MGAT4C: variants seen among roughly 807,000 people sequenced by gnomAD.
MGAT4C encodes the protein alpha-1,3-mannosyl-glycoprotein 4-beta-N-acetylglucosaminyltransferase C.
Under a neutral mutation model 40.1 loss-of-function variants are expected in MGAT4C, and 19 were observed. That is an observed-to-expected ratio of 0.47 (90% CI 0.33 to 0.70). The LOEUF is 0.70. MGAT4C is among the 30% of genes least tolerant of loss of function. The pLI, the probability that MGAT4C is intolerant of heterozygous loss-of-function variation, is 0.02. For synonymous variants in MGAT4C, 181 were observed against 187.1 expected (o/e 0.97, Z 0.27); for missense variants, 491 against 563.2 (o/e 0.87, Z 1.30).
chr12:86,290,368 G>A (rs1953477797), intron 4 of MGAT4C, among the ~76,000 whole-genome samples: 2 of 152,130 alleles, frequency 1.3e-5, no homozygotes, highest in Non-Finnish European at 2.9e-5. Flanking sequence ...AAGCTACGCA[G>A]GAGAGCAGCA....
intron 3 of MGAT4C, among the ~76,000 whole-genome samples, chr12:86,405,550 C>A (rs1956447484): frequency 2.0e-5 from 3 of 151,984 alleles, no homozygotes; most frequent in Admixed American, 2.0e-4. Context: ...AAGATTTCAA[C>A]TCTCTCAACT....
chr12:86,782,547 G>A (rs573445159), intron 1 of MGAT4C, among the ~76,000 whole-genome samples: 140 of 152,196 alleles, frequency 9.2e-4, no homozygotes, highest in African/African-American at 3.3e-3. Flanking sequence ...TCTCACGAAT[G>A]TTGTTATTAG....
chr12:86,312,654 T>C (rs1007917018), intron 4 of MGAT4C, among the ~76,000 whole-genome samples: 6 of 152,124 alleles, frequency 3.9e-5, no homozygotes, highest in African/African-American at 7.2e-5. Context: ...TTCATTCTTA[T>C]GAAAACCTAT....
rs60629688 is a variant in MGAT4C at position 86,654,342 on chromosome 12, G to GT, written c.-229+72866dup. 4.4e-5 allele frequency among the ~76,000 whole-genome samples: 6 copies of GT among 136,438 alleles called. No individual in the cohort carries two copies. In the East Asian group the frequency reaches 6.4e-4, roughly 15 times the overall value. 89.5% of individuals were successfully genotyped at this position (136,438 alleles called of 152,430 possible). ...AACTAATAGAAAATAAGTTTGTGGG[G>GT]TTTTTTTTTTTCCTGACAACAATCG... is the stretch of plus-strand genomic sequence containing the variant. On this transcript the variant is annotated intron_variant, in intron 2 of 7. Transcript: ENST00000548651.
At chr12:86,287,664 C>T (rs577271179) in intron 4 of MGAT4C, among the ~76,000 whole-genome samples, 58 of 152,208 alleles carry the variant, frequency 3.8e-4, no homozygotes, top group Non-Finnish European at 7.1e-4. Flanking sequence ...GCTTCATCCA[C>T]GTCCCTGCAA....
intron 2 of MGAT4C, among the ~76,000 whole-genome samples, chr12:86,506,340 T>A (rs1433431761): frequency 2.0e-5 from 3 of 152,112 alleles, no homozygotes; most frequent in African/African-American, 7.2e-5. Context: ...TGTCTGTAAA[T>A]AAATAAACAA....
rs533952407 is a variant in MGAT4C at position 85,975,640 on chromosome 12, T to C, written c.*3649A>G. On this transcript the variant is annotated 3_prime_UTR_variant, in exon 5 of 5. Transcript: ENST00000611864. The stretch of plus-strand genomic sequence containing the variant: ...GAAACACAAAGCTGAGGAGGCATAA[T>C]AAGACGTGGAATGACAGAAGCAAGA... 6.6e-6 allele frequency: 1 copy of C among 150,888 alleles called. No individual in the cohort carries two copies. The highest frequency in any genetic ancestry group is 1.5e-5 in the Non-Finnish European group (1 of 67,086). The allele number at this position is 150,888 out of a possible 1,614,324, so 9.3% of individuals were successfully genotyped here.
At chr12:86,612,394 A>G (rs1962313588) in intron 2 of MGAT4C, among the ~76,000 whole-genome samples, 1 of 152,054 alleles carries the variant, frequency 6.6e-6, no homozygotes, top group Non-Finnish European at 1.5e-5. Flanking sequence ...ATCTTATCAC[A>G]TAGATTTTCA....
chr12:86,155,711 C>A (rs1489015251), intron 1 of MGAT4C, among the ~76,000 whole-genome samples: 1 of 151,822 alleles, frequency 6.6e-6, no homozygotes, highest in Non-Finnish European at 1.5e-5. Context: ...TTTATATATT[C>A]TATATAATTT....
rs2011710853 is a variant in MGAT4C at position 85,973,006 on chromosome 12, G to A, written c.*6283C>T. On this transcript the variant is annotated 3_prime_UTR_variant, in exon 5 of 5. Coordinates refer to ENST00000611864, the MANE Select transcript of MGAT4C (RefSeq NM_001351288.2). ...ATTGGAACATACTATAGACAAAACT[G>A]ACAGATTATTATTCAATGAGAAACC... 6.6e-6 allele frequency: 1 copy of A among 150,786 alleles called. No homozygotes were observed. The highest frequency in any genetic ancestry group is 2.4e-5 in the African/African-American group (1 of 41,300). 9.3% of individuals were successfully genotyped at this position (150,786 alleles called of 1,614,324 possible). A position where few individuals can be genotyped will look rare whatever the true frequency, so the allele number is the denominator to read the frequency against.
chr12:86,570,896 C>A (rs1960336145), intron 2 of MGAT4C, among the ~76,000 whole-genome samples: 1 of 152,144 alleles, frequency 6.6e-6, no homozygotes. Context: ...TCACCGCATC[C>A]TCCAACTCCT....
chr12:86,081,217 T>G (rs1462792627), intron 1 of MGAT4C, among the ~76,000 whole-genome samples: 1 of 152,180 alleles, frequency 6.6e-6, no homozygotes, highest in Non-Finnish European at 1.5e-5. Context: ...TAGTGAATTT[T>G]GCTCCCAAGA....
intron 1 of MGAT4C, among the ~76,000 whole-genome samples, chr12:86,805,215 T>C (rs1181805022): frequency 1.3e-5 from 2 of 152,026 alleles, no homozygotes; most frequent in Non-Finnish European, 2.9e-5. Flanking sequence ...TCTTTTTTTG[T>C]TGTTTTTTAC....
intron 2 of MGAT4C, among the ~76,000 whole-genome samples, chr12:86,718,239 T>G: frequency 6.6e-6 from 1 of 152,334 alleles, no homozygotes; most frequent in Middle Eastern, 3.4e-3. Flanking sequence ...TGTTTTTTTC[T>G]AAACAAACAA....
At chr12:86,226,037 G>T (rs1029984884) in intron 1 of MGAT4C, among the ~76,000 whole-genome samples, 2 of 151,532 alleles carry the variant, frequency 1.3e-5, no homozygotes, top group Non-Finnish European at 1.5e-5. Flanking sequence ...AAAACAAGGC[G>T]CTTGCATGTA....
Position 86,034,949 on chromosome 12 carries a change from T to C in MGAT4C, c.-7+14725A>G, listed in dbSNP as rs146364902. On this transcript the variant is annotated intron_variant, in intron 2 of 4. Coordinates refer to ENST00000611864, the MANE Select transcript of MGAT4C (RefSeq NM_001351288.2). ...GCTGCATAGTATTCCATAGTGTATA[T>C]GTGACACATTTTCTTATCTAGTCTA... is the stretch of plus-strand genomic sequence containing the variant. 5.1e-3 allele frequency among the ~76,000 whole-genome samples: 769 copies of C among 150,218 alleles called. 63 individuals are homozygous for C. The highest frequency in any genetic ancestry group is 7.6e-3 in the Non-Finnish European group (509 of 66,866).
At position 86,178,158 on chromosome 12, in the gene MGAT4C, G is replaced by T. The variant is rs572385859; in HGVS notation, c.-57+78081C>A. Among the ~76,000 whole-genome samples the T allele has an allele frequency of 1.3e-4, 20 of 152,250 alleles. No homozygotes were observed. The South Asian group carries it at 3.3e-3, about 25-fold the overall frequency. On this transcript the variant is annotated intron_variant, in intron 1 of 4. Coordinates refer to ENST00000611864, the MANE Select transcript of MGAT4C (RefSeq NM_001351288.2). ...TCACCGTGTTAGCCAGGATGGTCTTGATCTCCTGACCTTGTGATCCGCCCG... is the reference window on the plus strand; with the variant it reads ...TCACCGTGTTAGCCAGGATGGTCTTTATCTCCTGACCTTGTGATCCGCCCG...
intron 1 of MGAT4C, among the ~76,000 whole-genome samples, chr12:86,835,436 A>C (rs537454298): frequency 6.6e-6 from 1 of 151,940 alleles, no homozygotes; most frequent in African/African-American, 2.4e-5. Flanking sequence ...TCCTTGAGGG[A>C]TGGATTGGTA....
At chr12:86,333,218 T>A (rs1954711628) in intron 4 of MGAT4C, among the ~76,000 whole-genome samples, 1 of 152,202 alleles carries the variant, frequency 6.6e-6, no homozygotes, top group Non-Finnish European at 1.5e-5. Flanking sequence ...CATGGCATGT[T>A]TCCTTAGCAG....
Sources: allele counts gnomAD v4.1 joint callset (sites outside exome capture counted in the v4.1 genomes callset), GRCh38; gene constraint gnomAD v4.1.1; transcripts MANE v1.5; gene names NCBI Gene and HGNC (gene_info 2026-07-23, HGNC 2026-07-21).